Variants in RYR1 observed in about 807,000 individuals in gnomAD.
RYR1 encodes central core disease of muscle.
A neutral mutation model predicts 583.5 loss-of-function variants in RYR1; 342 were observed. That is an observed-to-expected ratio of 0.59 (90% CI 0.54 to 0.64). The LOEUF (loss-of-function observed/expected upper bound fraction) is 0.64, where lower values mean the gene tolerates loss of function less well. RYR1 is among the 30% of genes least tolerant of loss of function. RYR1 has a pLI of 0.00. For synonymous variants in RYR1, 2,791 were observed against 2,822.5 expected, an observed-to-expected ratio of 0.99 and a Z score of 0.35; for missense variants, 6,032 against 6,917.2, an observed-to-expected ratio of 0.87 and a Z score of 4.54.
intron 39 of RYR1, among the ~76,000 whole-genome samples, chr19:38,495,644 G>A (rs1969784389): frequency 6.6e-6 from 1 of 152,152 alleles, no homozygotes; most frequent in Non-Finnish European, 1.5e-5. Context: ...CACCATGCTG[G>A]GACAACATTT....
At position 38,585,160 on chromosome 19, in the gene RYR1, C is replaced by G; in HGVS notation, c.14803+61C>G. On this transcript the variant is annotated intron_variant, in intron 102 of 105. Transcript: ENST00000359596. Reference sequence around the variant, plus strand: ...CAGGCTAGCTCCATGGCTAAGAATGCAGGCCCAGGATCCAGTCGGCCTGCA... The same window carrying G: ...CAGGCTAGCTCCATGGCTAAGAATGGAGGCCCAGGATCCAGTCGGCCTGCA... 1.9e-6 allele frequency: 3 copies of G among 1,581,032 alleles called. No homozygotes were observed. The South Asian group carries it at 3.4e-5, about 18-fold the overall frequency.
At chr19:38,537,093 T>G in intron 83 of RYR1, 1 of 476,222 alleles carries the variant, frequency 2.1e-6, no homozygotes. Context: ...CAGACCCAGA[T>G]TCGCAGTCCC....
intron 24 of RYR1, among the ~76,000 whole-genome samples, chr19:38,466,866 C>T (rs190382323): frequency 4.6e-5 from 7 of 152,240 alleles, no homozygotes; most frequent in Non-Finnish European, 7.4e-5. Context: ...GACCCCTCCC[C>T]GAAACTCTGA....
intron 100 of RYR1, 86 bp downstream of exon 100, chr19:38,580,214 G>A (rs1488731917): frequency 1.2e-6 from 2 of 1,604,652 alleles, no homozygotes; most frequent in South Asian, 1.1e-5. Flanking sequence ...CGGGCAGCTG[G>A]GCTGAGGAGG....
rs374138837 is a variant in RYR1, at chr19:38,517,699, G to A, written c.10018+8G>A. 3.8e-5 allele frequency: 62 copies of A among 1,613,390 alleles called. 1 individual carries two copies. In the African/African-American group the frequency reaches 4.5e-4, roughly 12 times the overall value. ...GGATGAAGCGGCTGGCTGGTGGGTC[G>A]GGGGGCACTGGGCCTCTGAGGGGTG... On this transcript the variant is annotated splice_region_variant and intron_variant, in intron 66 of 105. Transcript: ENST00000359596.
chr19:38,449,331 CTGCCTG>C (rs1042636454), intron 11 of RYR1, among the ~76,000 whole-genome samples: 2 of 151,052 alleles, frequency 1.3e-5, no homozygotes, highest in African/African-American at 2.4e-5. Context: ...GTGGTGGCAG[CTGCCTG>C]TAATCCCAGC....
intron 9 of RYR1, among the ~76,000 whole-genome samples, chr19:38,447,717 C>G (rs554076518): frequency 6.6e-6 from 1 of 151,776 alleles, no homozygotes; most frequent in Non-Finnish European, 1.5e-5. Flanking sequence ...TGGCACGCAC[C>G]TGTAATCCCA....
In RYR1 at chr19:38,567,652, C is replaced by A. The variant is rs1367251680; in HGVS notation, c.13515-121C>A. 4.2e-6 allele frequency: 6 copies of A among 1,421,846 alleles called. No individual in the cohort carries two copies. The African/African-American group carries it at 4.2e-5, about 10-fold the overall frequency. 88.1% of individuals were successfully genotyped at this position (1,421,846 alleles called of 1,614,324 possible). On this transcript the variant is annotated intron_variant, in intron 92 of 105. Coordinates refer to ENST00000359596, the MANE Select transcript of RYR1 (RefSeq NM_000540.3). ...CCTGATTATCTCATCATCCCATGTA[C>A]CCAGTACCATCCAAACCTGGGCCAG...
intron 9 of RYR1, among the ~76,000 whole-genome samples, chr19:38,447,407 G>C (rs1445233376): frequency 3.3e-5 from 5 of 151,984 alleles, no homozygotes; most frequent in Non-Finnish European, 7.3e-5. Flanking sequence ...CTGGTGTGGT[G>C]GTGGGCACCT....
chr19:38,559,270 T>C (rs1973018089), intron 89 of RYR1, among the ~76,000 whole-genome samples: 1 of 147,470 alleles, frequency 6.8e-6, no homozygotes, highest in Non-Finnish European at 1.5e-5. Flanking sequence ...GTCTCGCTCT[T>C]ATTGCCCAGG....
rs747346431 is a variant in RYR1 at position 38,483,027 on chromosome 19, G to C, written c.4621G>C (p.Val1541Leu). The stretch of plus-strand genomic sequence containing the variant: ...ACCTCGTCCTCTTCTCCTCTGCCAG[G>C]TGGAACCCAACACTAAGCTATTTCC... The part of the protein sequence containing the change: ...NGKESNTFFQ[V>L]EPNTKLFPAV... The change falls in exon 32 of 106, where the codon GTG becomes CTG. Residue 1541 changes from valine to leucine, a missense_variant and splice_region_variant. Val to Leu is a conservative substitution (Grantham distance 32). This residue lies in a region of RYR1 where 2,627 missense variants were observed against 2,961.3 expected (regional missense o/e 0.89). Coordinates refer to ENST00000359596, the MANE Select transcript of RYR1 (RefSeq NM_000540.3). The surrounding 1 kb of genome is among the most constrained non-coding windows in gnomAD (Gnocchi z 6.3). 2 of 1,613,970 alleles carry C rather than the reference G, an allele frequency of 1.2e-6. No homozygotes were observed. The highest frequency in any genetic ancestry group is 1.7e-6 in the Non-Finnish European group (2 of 1,179,896).
At chr19:38,503,104 G>C in intron 49 of RYR1, 134 bp downstream of exon 49, 1 of 833,338 alleles carries the variant, frequency 1.2e-6, no homozygotes, top group Non-Finnish European at 2.0e-6. Flanking sequence ...CAGCGTCCCC[G>C]TAGAAATCTC....
intron 1 of RYR1, among the ~76,000 whole-genome samples, chr19:38,436,312 A>T (rs958004642): frequency 6.6e-6 from 1 of 151,696 alleles, no homozygotes; most frequent in African/African-American, 2.4e-5. Flanking sequence ...GGCTCCAGTG[A>T]TCCTCCCACC....
intron 101 of RYR1, among the ~76,000 whole-genome samples, chr19:38,581,216 A>C (rs1974191638): frequency 6.6e-6 from 1 of 151,694 alleles, no homozygotes; most frequent in South Asian, 2.1e-4. Flanking sequence ...TAGCTGGGAC[A>C]ACAGGCGCCC....
Position 38,543,984 on chromosome 19 carries a change from T to C in RYR1, c.12012+109T>C. The C allele has an allele frequency of 9.0e-7, 1 of 1,109,130 alleles. No individual in the cohort carries two copies. Among genetic ancestry groups the C allele is most frequent in the South Asian group, 1.3e-5 (1 of 75,202 alleles). The allele number at this position is 1,109,130 out of a possible 1,614,324, so 68.7% of individuals were successfully genotyped here. ...TTGTCACCCGAGTGCTCCCGGCATG[T>C]TCCAGACTGGTTCCCTCTCAGTGGC... is the stretch of plus-strand genomic sequence containing the variant. On this transcript the variant is annotated intron_variant, in intron 87 of 105. Coordinates refer to ENST00000359596, the MANE Select transcript of RYR1 (RefSeq NM_000540.3). This position sits in a 1 kb window ranked among gnomAD's most constrained non-coding sequence, Gnocchi z 4.4.
At chr19:38,478,898 G>A (rs960756380) in intron 31 of RYR1, among the ~76,000 whole-genome samples, 1 of 152,206 alleles carries the variant, frequency 6.6e-6, no homozygotes, top group Non-Finnish European at 1.5e-5. Context: ...CTCCTGAGTA[G>A]CTGGGATTAC....
intron 105 of RYR1, among the ~76,000 whole-genome samples, chr19:38,587,022 A>T (rs1338184979): frequency 3.9e-5 from 6 of 152,234 alleles, no homozygotes; most frequent in Admixed American, 3.9e-4. Flanking sequence ...CAATCCTAGC[A>T]CTTCGGGAGG....
Position 38,458,207 on chromosome 19 carries a change from C to T in RYR1, c.2082C>T (p.Tyr694=). The T allele has an allele frequency of 3.7e-6, 6 of 1,613,996 alleles. No homozygotes were observed. Among genetic ancestry groups the T allele is most frequent in the Non-Finnish European group, 4.2e-6 (5 of 1,180,032 alleles). Residue 694 remains tyrosine (Y), a synonymous_variant, in exon 18 of 106, where the codon TAC becomes TAT. Coordinates refer to ENST00000359596, the MANE Select transcript of RYR1 (RefSeq NM_000540.3). ...GWALTEGYTP[Y]PGAGEGWGGN... is the part of the protein sequence containing the mutation. ...CCCTCACCGAGGGCTACACCCCCTA[C>T]CCTGGGGCCGGCGAGGGCTGGGGCG...
rs753726232 is a variant in RYR1, at chr19:38,528,593, C to T, written c.10938-6C>T. 3 of 1,614,016 alleles carry T rather than the reference C, an allele frequency of 1.9e-6. No homozygotes were observed. Among genetic ancestry groups the T allele is most frequent in the East Asian group, 4.5e-5 (2 of 44,888 alleles). ...GTCCCAGTGACGTCACACCTCTCCC[C>T]TGCAGGCACCGGGCATGTAACATGT... On this transcript the variant is annotated splice_region_variant and splice_polypyrimidine_tract_variant and intron_variant, in intron 74 of 105. Coordinates refer to ENST00000359596, the MANE Select transcript of RYR1 (RefSeq NM_000540.3).
Sources: gnomAD v4.1 joint callset for allele counts (sites outside exome capture counted in the v4.1 genomes callset) on GRCh38, gnomAD v4.1.1 for gene constraint, gnomAD v4.1.1 regional missense constraint, Gnocchi (gnomAD v3.1) non-coding constraint, MANE v1.5 for transcripts, NCBI Gene and HGNC (gene_info 2026-07-23, HGNC 2026-07-21) for gene names.